The following CPNE9 variants were observed in gnomAD, a reference collection of about 807,000 sequenced individuals.
CPNE9 encodes the protein copine family member 9.
In CPNE9, 59 loss-of-function variants were observed where a neutral mutation model predicts 83.0. The observed-to-expected ratio is 0.71, with a 90% confidence interval of 0.58 to 0.88. CPNE9 has a LOEUF of 0.88. Among genes scored for constraint, CPNE9 ranks in the 40% least tolerant of loss-of-function variants. The probability of loss-of-function intolerance (pLI) is 0.00; values close to 1 mark genes in which losing one functional copy is unlikely to be tolerated. For missense variants in CPNE9, 619 were observed against 720.8 expected, an observed-to-expected ratio of 0.86 and a Z score of 1.62; for synonymous variants, 256 against 273.4, an observed-to-expected ratio of 0.94 and a Z score of 0.63.
At chr3:9,711,904 T>G (rs2076632666) in intron 7 of CPNE9, among the ~76,000 whole-genome samples, 1 of 152,240 alleles carries the variant, frequency 6.6e-6, no homozygotes. Flanking sequence ...CTAGCCCTTT[T>G]GTCCCTGGGT....
At position 9,704,886 on chromosome 3, in the gene CPNE9, C is replaced by A; in HGVS notation, c.157-5C>A. ...CCCACGCTGACCCTCCACCCCCCTA[C>A]CCAGTTCGGACGGACCGAGGTGATT... On this transcript the variant is annotated splice_polypyrimidine_tract_variant and splice_region_variant and intron_variant, in intron 3 of 20. Coordinates refer to ENST00000383832, the MANE Select transcript of CPNE9 (RefSeq NM_153635.3). The surrounding 1 kb of genome is among the most constrained non-coding windows in gnomAD (Gnocchi z 7.1). 1 of 1,611,708 alleles carries A rather than the reference C, an allele frequency of 6.2e-7. No homozygotes were observed. The highest frequency in any genetic ancestry group is 8.5e-7 in the Non-Finnish European group (1 of 1,178,614).
chr3:9,704,594 C>G lies in CPNE9; in HGVS notation c.76C>G (p.Leu26Val). ...TCTGTTGCTTTTCTCTAGGAACCTG[C>G]TAGACCTTGATACCTTCTCCAAGTC... ...IEITVSCRNL[L>V]DLDTFSKSDP... The change falls in exon 2 of 21, where the codon CTA (leucine) becomes GTA (valine). Residue 26 changes from leucine to valine, a missense_variant. By Grantham distance (32) the Leu-to-Val change is conservative. Transcript: ENST00000383832. The surrounding 1 kb of genome is among the most constrained non-coding windows in gnomAD (Gnocchi z 7.1). 1 of 1,613,864 alleles carries G rather than the reference C, an allele frequency of 6.2e-7. No homozygotes were observed. The highest frequency in any genetic ancestry group is 8.5e-7 in the Non-Finnish European group (1 of 1,179,760).
chr3:9,717,149 C>T (rs2076691495), intron 15 of CPNE9, 45 bp downstream of exon 15: 3 of 1,600,458 alleles, frequency 1.9e-6, no homozygotes, highest in African/African-American at 2.7e-5. Flanking sequence ...GAAGGCACTT[C>T]TAAGGGAGTC....
chr3:9,715,269 C>T lies in CPNE9; in HGVS notation c.693-20C>T. ...CAAACCAGCAGCACCTGCTGCTTAGCCACGCCCACCTCATTGCAGCCACGA... is the reference window on the plus strand; with the variant it reads ...CAAACCAGCAGCACCTGCTGCTTAGTCACGCCCACCTCATTGCAGCCACGA... On this transcript the variant is annotated intron_variant, in intron 11 of 20. Coordinates refer to ENST00000383832, the MANE Select transcript of CPNE9 (RefSeq NM_153635.3). The T allele has an allele frequency of 6.2e-7, 1 of 1,613,370 alleles. No homozygotes were observed. Among genetic ancestry groups the T allele is most frequent in the Non-Finnish European group, 8.5e-7 (1 of 1,179,426 alleles).
rs2076810708 is a variant in CPNE9 at position 9,729,534 on chromosome 3, C to T, written c.1504C>T (p.Arg502Trp). The change falls in exon 21 of 21, where the codon CGG (arginine) becomes TGG (tryptophan). Residue 502 changes from arginine (R) to tryptophan (W), a missense_variant. By Grantham distance (101) the Arg-to-Trp change is moderately radical (BLOSUM62 -3). Around this residue, in one of 3 missense-constraint regions of CPNE9, gnomAD observed 438 missense variants for 562.9 expected, o/e 0.78. Transcript: ENST00000383832. ...QFVPFRDYVD[R>W]SGNQVLSMAR... Reference sequence around the variant, plus strand: ...CGTCCCATTCCGAGACTATGTTGACCGGTCGGGGAACCAGGTGTTGAGCAT... The same window carrying T: ...CGTCCCATTCCGAGACTATGTTGACTGGTCGGGGAACCAGGTGTTGAGCAT... 5 of 1,613,816 alleles carry T rather than the reference C, an allele frequency of 3.1e-6. No homozygotes were observed. The highest frequency in any genetic ancestry group is 1.1e-5 in the South Asian group (1 of 91,068).
chr3:9,719,013 T>C (rs2125471536), intron 17 of CPNE9, among the ~76,000 whole-genome samples: 1 of 151,576 alleles, frequency 6.6e-6, no homozygotes, highest in East Asian at 2.0e-4. Flanking sequence ...GTTTTTGTGT[T>C]TTTAGTAGAG....
intron 15 of CPNE9, 81 bp downstream of exon 15, chr3:9,717,185 C>T (rs2076691821): frequency 3.4e-6 from 5 of 1,464,980 alleles, no homozygotes; most frequent in Non-Finnish European, 4.8e-6. Flanking sequence ...GGATTCCTAC[C>T]TAGAGATAAG....
At chr3:9,719,492 A>T (rs1260074365) in intron 17 of CPNE9, among the ~76,000 whole-genome samples, 2 of 152,186 alleles carry the variant, frequency 1.3e-5, no homozygotes, top group Admixed American at 1.3e-4. Flanking sequence ...TCTGACCTTA[A>T]GCAACTTCGC....
chr3:9,715,613 C>A, intron 13 of CPNE9, 87 bp downstream of exon 13: 3 of 1,120,782 alleles, frequency 2.7e-6, no homozygotes, highest in Non-Finnish European at 4.1e-6. Context: ...GAGGGCAGGG[C>A]AAGACAGTGG....
intron 19 of CPNE9, 128 bp downstream of exon 19, chr3:9,726,850 C>A: frequency 3.5e-6 from 3 of 860,912 alleles, no homozygotes; most frequent in South Asian, 3.1e-5. Flanking sequence ...TTGGTCAAGT[C>A]ACAGACCTTC....
intron 7 of CPNE9, among the ~76,000 whole-genome samples, chr3:9,710,547 G>A (rs770568003): frequency 3.3e-5 from 5 of 152,200 alleles, no homozygotes; most frequent in African/African-American, 4.8e-5. Context: ...AAGGGCCTTG[G>A]GATGTACAGT....
intron 10 of CPNE9, among the ~76,000 whole-genome samples, chr3:9,714,639 TAAAAAAAAAAAAAAAAA>T: frequency 9.7e-6 from 1 of 103,350 alleles, no homozygotes; most frequent in South Asian, 3.2e-4. Flanking sequence ...CTCAAAGTGG[TAAAAAAAAAAAAAAAAA>T]AAAAAAAAAA....
At chr3:9,726,082 G>A (rs73021428) in intron 18 of CPNE9, 31 bp downstream of exon 18, 22,837 of 1,417,160 alleles carry the variant, frequency 0.016, 226 homozygotes, top group Non-Finnish European at 0.019. Flanking sequence ...TTGGCAGGGA[G>A]GAGTAATGTC....
intron 10 of CPNE9, 111 bp from the exon 11 acceptor site, chr3:9,714,803 T>G: frequency 1.1e-6 from 1 of 927,998 alleles, no homozygotes. Context: ...AACAACTTAA[T>G]GGGAAGACAG....
intron 13 of CPNE9, 22 bp downstream of exon 13, chr3:9,715,548 G>A: frequency 6.2e-7 from 1 of 1,602,910 alleles, no homozygotes; most frequent in South Asian, 1.1e-5. Flanking sequence ...CTAGAGCCGT[G>A]GCCCTCCCTG....
chr3:9,712,024 T>C (rs1575121124), intron 7 of CPNE9, among the ~76,000 whole-genome samples: 1 of 152,150 alleles, frequency 6.6e-6, no homozygotes, highest in African/African-American at 2.4e-5. Flanking sequence ...GCGGGCAGTC[T>C]AGCAGAGCCG....
rs748685256 is a variant in CPNE9 at position 9,727,173 on chromosome 3, G to A, written c.1463G>A (p.Arg488Gln). 5.6e-6 allele frequency: 9 copies of A among 1,614,084 alleles called. No individual in the cohort carries two copies. The highest frequency in any genetic ancestry group is 1.6e-4 in the Middle Eastern group (1 of 6,084). The change falls in exon 20 of 21, where the codon CGG (arginine) becomes CAG (glutamine). Residue 488 changes from arginine (R) to glutamine (Q), a missense_variant. By Grantham distance (43) the Arg-to-Gln change is conservative. Transcript: ENST00000383832. ...RVSSRGRYAERDIVQFVPFRD... is the reference protein window; with the variant it reads ...RVSSRGRYAEQDIVQFVPFRD... ...TCCTCTAGGGGACGCTACGCAGAGCGGGACATCGTTCAGGTAGACCTGACG... is the reference window on the plus strand; with the variant it reads ...TCCTCTAGGGGACGCTACGCAGAGCAGGACATCGTTCAGGTAGACCTGACG...
chr3:9,725,641 T>C (rs2076772875), intron 17 of CPNE9, among the ~76,000 whole-genome samples: 1 of 44,266 alleles, frequency 2.3e-5, no homozygotes, highest in African/African-American at 3.6e-4. Flanking sequence ...TATATACATG[T>C]ATGTGTATAT....
intron 6 of CPNE9, 109 bp downstream of exon 6, chr3:9,705,829 T>C (rs2076558587): frequency 1.4e-5 from 20 of 1,385,362 alleles, no homozygotes; most frequent in Non-Finnish European, 1.9e-5. Context: ...AGACCCCTTC[T>C]TTCACACCCC....
Sources: allele counts gnomAD v4.1 joint callset (sites outside exome capture counted in the v4.1 genomes callset), GRCh38; gene constraint gnomAD v4.1.1; regional missense constraint gnomAD v4.1.1; non-coding constraint Gnocchi (gnomAD v3.1); transcripts MANE v1.5; gene names NCBI Gene and HGNC (gene_info 2026-07-23, HGNC 2026-07-21).